PRIMA1: variants seen among roughly 807,000 people sequenced by gnomAD.
PRIMA1 encodes the protein proline-rich membrane anchor 1.
PRIMA1 carries 7 observed loss-of-function variants against 17.5 expected under a neutral mutation model. The ratio of observed to expected loss-of-function variants is 0.40; its 90% CI spans 0.23 to 0.75. The LOEUF (loss-of-function observed/expected upper bound fraction) is 0.75. Among genes scored for constraint, PRIMA1 ranks in the 30% least tolerant of loss-of-function variants. The pLI, the probability that PRIMA1 is intolerant of heterozygous loss-of-function variation, is 0.37. For synonymous variants in PRIMA1, 97 were observed against 77.9 expected (o/e 1.25, Z -1.29); for missense variants, 200 against 201.8 (o/e 0.99, Z 0.05).
rs1042587224 is a variant in PRIMA1 at position 93,726,526 on chromosome 14, G to A, written c.360-4980C>T. On this transcript the variant is annotated intron_variant, in intron 4 of 4. Coordinates refer to ENST00000393140, the MANE Select transcript of PRIMA1 (RefSeq NM_178013.4). The surrounding 1 kb of genome is among the most constrained non-coding windows in gnomAD (Gnocchi z 4.2). ...GAACCTGCGTAACACACACAGGCACGTACACATAGACACATGTACACATGC... is the reference window on the plus strand; with the variant it reads ...GAACCTGCGTAACACACACAGGCACATACACATAGACACATGTACACATGC... 4.0e-5 allele frequency among the ~76,000 whole-genome samples: 6 copies of A among 150,542 alleles called. No homozygotes were observed. The highest frequency in any genetic ancestry group is 1.2e-4 in the African/African-American group (5 of 41,036).
intron 3 of PRIMA1, among the ~76,000 whole-genome samples, chr14:93,748,221 A>G (rs1464701648): frequency 6.6e-6 from 1 of 152,080 alleles, no homozygotes; most frequent in Admixed American, 6.5e-5. Flanking sequence ...TGTGTGTGAT[A>G]AAGTGAGAGC....
rs369675885 is a variant in PRIMA1, at chr14:93,726,149, C to T, written c.360-4603G>A. ...GCAGCAGGCTCCCACATTCCCTGCTCGGAGTGCCGCGCGGACAGCTCCAGC... is the reference window on the plus strand; with the variant it reads ...GCAGCAGGCTCCCACATTCCCTGCTTGGAGTGCCGCGCGGACAGCTCCAGC... On this transcript the variant is annotated intron_variant, in intron 4 of 4. Transcript: ENST00000393140. This position sits in a 1 kb window ranked among gnomAD's most constrained non-coding sequence, Gnocchi z 4.2. The T allele has an allele frequency of 2.8e-5, 12 of 435,664 alleles. No homozygotes were observed. The highest frequency in any genetic ancestry group is 4.2e-5 in the Non-Finnish European group (9 of 216,778). 27.0% of individuals were successfully genotyped at this position (435,664 alleles called of 1,614,324 possible).
chr14:93,771,591 C>T (rs1188402314), intron 3 of PRIMA1, among the ~76,000 whole-genome samples: 6 of 152,206 alleles, frequency 3.9e-5, no homozygotes, highest in African/African-American at 9.7e-5. Flanking sequence ...TGGAGCCAGT[C>T]AACTCCTGTA....
chr14:93,749,473 C>A (rs762236660), intron 3 of PRIMA1, among the ~76,000 whole-genome samples: 5 of 152,196 alleles, frequency 3.3e-5, no homozygotes, highest in Non-Finnish European at 7.3e-5. Flanking sequence ...ATTAAATCAT[C>A]ACCAAGTAAA....
chr14:93,759,083 G>GC (rs1314932568), intron 3 of PRIMA1, among the ~76,000 whole-genome samples: 2 of 152,182 alleles, frequency 1.3e-5, no homozygotes, highest in Admixed American at 6.5e-5. Context: ...TTCCATGATA[G>GC]CAACGGGGGT....
intron 3 of PRIMA1, among the ~76,000 whole-genome samples, chr14:93,767,614 G>A (rs2141184598): frequency 1.3e-5 from 2 of 152,310 alleles, no homozygotes; most frequent in Middle Eastern, 3.4e-3. Flanking sequence ...AGAGTTCCAG[G>A]GGTGCCGGAG....
Position 93,779,228 on chromosome 14 carries a change from CGGGGG to C in PRIMA1, c.172_176del (p.Pro58AlafsTer27). The C allele has an allele frequency of 3.6e-6, 1 of 275,546 alleles. No individual in the cohort carries two copies. The highest frequency in any genetic ancestry group is 5.4e-6 in the Non-Finnish European group (1 of 184,058). The allele number at this position is 275,546 out of a possible 1,614,324, so 17.1% of individuals were successfully genotyped here. Reference sequence around the variant, plus strand: ...GCGGGGGTGGGGGCGGCGGGGGCAGCGGGGGAGGGGGCCGGCACTGGCAGACGTGT... The same window carrying C: ...GCGGGGGTGGGGGCGGCGGGGGCAGCAGGGGGCCGGCACTGGCAGACGTGT... On this transcript the variant is annotated frameshift_variant, in exon 3 of 5. Coordinates refer to ENST00000393140, the MANE Select transcript of PRIMA1 (RefSeq NM_178013.4). LOFTEE classifies it high-confidence loss of function.
chr14:93,746,815 G>A (rs529026760), intron 3 of PRIMA1, among the ~76,000 whole-genome samples: 2 of 152,286 alleles, frequency 1.3e-5, no homozygotes, highest in East Asian at 3.9e-4. Context: ...ATGGAAATGT[G>A]GATGTGGGCA....
chr14:93,751,386 C>G (rs1464661256), intron 3 of PRIMA1, among the ~76,000 whole-genome samples: 1 of 152,222 alleles, frequency 6.6e-6, no homozygotes, highest in African/African-American at 2.4e-5. Flanking sequence ...CTCCACCCTA[C>G]CACTTCCGTT....
rs1368012150 is a variant in PRIMA1, at chr14:93,726,852, T to TGCACACATACACATATGTGCACATGC, written c.360-5307_360-5306insGCATGTGCACATATGTGTATGTGTGC. Among the ~76,000 whole-genome samples the TGCACACATACACATATGTGCACATGC allele has an allele frequency of 6.6e-6, 1 of 152,080 alleles. No individual in the cohort carries two copies. The highest frequency in any genetic ancestry group is 2.4e-5 in the African/African-American group (1 of 41,394). On this transcript the variant is annotated intron_variant, in intron 4 of 4. Transcript: ENST00000393140. This position sits in a 1 kb window ranked among gnomAD's most constrained non-coding sequence, Gnocchi z 4.2. ...ACATACACACATGTCCCTACACACA[T>TGCACACATACACATATGTGCACATGC]ATGCACACATACACATATGTGCACA...
At chr14:93,755,764 C>T (rs1435940393) in intron 3 of PRIMA1, among the ~76,000 whole-genome samples, 1 of 152,130 alleles carries the variant, frequency 6.6e-6, no homozygotes, top group Non-Finnish European at 1.5e-5. Flanking sequence ...GCTCCTGTGG[C>T]CTTGGACCTT....
At chr14:93,724,106 A>G in intron 4 of PRIMA1, among the ~76,000 whole-genome samples, 1 of 151,920 alleles carries the variant, frequency 6.6e-6, no homozygotes, top group East Asian at 1.9e-4. Flanking sequence ...GCTGTTCTTG[A>G]ACTCCTGGCC....
intron 3 of PRIMA1, among the ~76,000 whole-genome samples, chr14:93,750,242 A>G (rs1348890167): frequency 1.3e-5 from 2 of 152,174 alleles, no homozygotes; most frequent in East Asian, 3.9e-4. Flanking sequence ...AAAAAATTTT[A>G]AAATTATCTG....
intron 4 of PRIMA1, among the ~76,000 whole-genome samples, chr14:93,730,366 G>T (rs952387228): frequency 6.6e-6 from 1 of 152,220 alleles, no homozygotes; most frequent in Non-Finnish European, 1.5e-5. Context: ...CTCTATACTC[G>T]TCCAGGATGA....
rs142762212 is a variant in PRIMA1 at position 93,758,512 on chromosome 14, T to C, written c.229+20664A>G. Among the ~76,000 whole-genome samples, 1,343 of 149,440 alleles carry C rather than the reference T, an allele frequency of 9.0e-3. 14 individuals carry two copies. Among genetic ancestry groups the C allele is most frequent in the African/African-American group, 0.027 (1,075 of 40,430 alleles). On this transcript the variant is annotated intron_variant, in intron 3 of 4. Transcript: ENST00000393140. ...TACTTGGGAGGCTGAGGCACGAAAA[T>C]TGCTTGAACCTGGGAGGTGGAGGTT...
rs139874115 is a variant in PRIMA1, at chr14:93,777,021, A to G, written c.229+2155T>C. Among the ~76,000 whole-genome samples the G allele has an allele frequency of 6.5e-4, 99 of 152,334 alleles. 1 individual carries two copies. In the East Asian group the frequency reaches 0.016, roughly 25 times the overall value. On this transcript the variant is annotated intron_variant, in intron 3 of 4. Coordinates refer to ENST00000393140, the MANE Select transcript of PRIMA1 (RefSeq NM_178013.4). ...CATTTAGAGTAGTTTTGTAAAGTTA[A>G]GGAGATTAATTTGTATACACACAAA...
At chr14:93,743,819 C>T (rs577817519) in intron 3 of PRIMA1, among the ~76,000 whole-genome samples, 31 of 152,330 alleles carry the variant, frequency 2.0e-4, no homozygotes, top group African/African-American at 7.5e-4. Flanking sequence ...GGCACCACTC[C>T]CTCCCGCCCA....
intron 3 of PRIMA1, among the ~76,000 whole-genome samples, chr14:93,765,800 A>T (rs1220687657): frequency 6.6e-6 from 1 of 151,998 alleles, no homozygotes; most frequent in Non-Finnish European, 1.5e-5. Context: ...AACACTGAAG[A>T]CCTCCAATCC....
At chr14:93,743,499 G>C (rs1320152646) in intron 3 of PRIMA1, among the ~76,000 whole-genome samples, 2 of 152,216 alleles carry the variant, frequency 1.3e-5, no homozygotes, top group African/African-American at 4.8e-5. Context: ...CATCAGGCGG[G>C]TCACAACCGC....
Sources: gnomAD v4.1 joint callset for allele counts (sites outside exome capture counted in the v4.1 genomes callset) on GRCh38, gnomAD v4.1.1 for gene constraint, Gnocchi (gnomAD v3.1) non-coding constraint, MANE v1.5 for transcripts, NCBI Gene and HGNC (gene_info 2026-07-23, HGNC 2026-07-21) for gene names.